Variants in ZNF519 observed in about 807,000 individuals in gnomAD.
ZNF519 encodes the protein zinc finger protein 519, also known as similar to Zinc finger protein 85 (Zinc finger protein HPF4) (HTF1).
A neutral mutation model predicts 7.4 loss-of-function variants in ZNF519; 7 were observed. The ratio of observed to expected loss-of-function variants is 0.94; its 90% CI spans 0.54 to 1.77. The LOEUF is 1.77. Among genes scored for constraint, ZNF519 ranks in the 40% most tolerant of loss-of-function variants. The pLI is 0.00. For synonymous variants in ZNF519, 179 were observed against 203.3 expected (o/e 0.88, Z 1.02); for missense variants, 586 against 623.1 (o/e 0.94, Z 0.63).
intron 2 of ZNF519, chr18:14,123,268 A>G (rs2046279033): frequency 6.2e-6 from 1 of 161,644 alleles, no homozygotes; most frequent in Non-Finnish European, 1.4e-5. Flanking sequence ...GGATTCTCCA[A>G]TTACCAACCT....
intron 1 of ZNF519, among the ~76,000 whole-genome samples, chr18:14,127,554 G>T (rs1001882308): frequency 2.0e-5 from 3 of 152,172 alleles, no homozygotes; most frequent in African/African-American, 2.4e-5. Flanking sequence ...TGCACATTTA[G>T]GTCTTGAAGG....
At chr18:14,083,816 C>A (rs1351809453) in intron 3 of ZNF519, among the ~76,000 whole-genome samples, 1 of 152,150 alleles carries the variant, frequency 6.6e-6, no homozygotes, top group Non-Finnish European at 1.5e-5. Flanking sequence ...TAATCTTTGT[C>A]CAGGATTTTC....
chr18:14,088,720 G>T (rs1407547822), intron 2 of ZNF519, among the ~76,000 whole-genome samples: 1 of 152,118 alleles, frequency 6.6e-6, no homozygotes, highest in East Asian at 1.9e-4. Flanking sequence ...TTATATCCAA[G>T]GAATTGAAAC....
chr18:14,093,834 G>A (rs1415511563), intron 2 of ZNF519, among the ~76,000 whole-genome samples: 1 of 152,194 alleles, frequency 6.6e-6, no homozygotes, highest in East Asian at 1.9e-4. Context: ...CTGAGACTTG[G>A]CTACCTGTTA....
At chr18:14,109,393 C>T (rs1033083095) in intron 2 of ZNF519, among the ~76,000 whole-genome samples, 11 of 152,064 alleles carry the variant, frequency 7.2e-5, no homozygotes, top group South Asian at 2.1e-4. Context: ...AACATTTTAT[C>T]GAATGGCTTC....
rs550453845 is a variant in ZNF519, at chr18:14,118,664, G to A, written c.130+5686C>T. ...ACATGGCTACAGACAAGGAAATGGC[G>A]CACCGAACTTGGTCTTACTGAGGAT... is the stretch of plus-strand genomic sequence containing the variant. On this transcript the variant is annotated intron_variant, in intron 2 of 2. Coordinates refer to ENST00000590202, the MANE Select transcript of ZNF519 (RefSeq NM_145287.4). Among the ~76,000 whole-genome samples, 20 of 152,234 alleles carry A rather than the reference G, an allele frequency of 1.3e-4. No individual in the cohort carries two copies. The South Asian group carries it at 1.5e-3, about 11-fold the overall frequency.
chr18:14,092,047 G>C (rs1391736840), intron 2 of ZNF519, among the ~76,000 whole-genome samples: 2 of 152,182 alleles, frequency 1.3e-5, no homozygotes, highest in Non-Finnish European at 2.9e-5. Context: ...GCTGCTGTGT[G>C]TGGAAACTGG....
At chr18:14,116,784 A>T (rs1443299861) in intron 2 of ZNF519, among the ~76,000 whole-genome samples, 4 of 152,196 alleles carry the variant, frequency 2.6e-5, no homozygotes, top group Admixed American at 2.6e-4. Flanking sequence ...AGGCAGGCAG[A>T]TTACTTGAGG....
At chr18:14,082,656 A>G (rs942900517) in intron 3 of ZNF519, 4 of 151,970 alleles carry the variant, frequency 2.6e-5, no homozygotes, top group Non-Finnish European at 5.9e-5. Context: ...AAAAATTGAT[A>G]GTACCAGAAT....
At chr18:14,126,431 T>C (rs2046299874) in intron 1 of ZNF519, among the ~76,000 whole-genome samples, 1 of 152,156 alleles carries the variant, frequency 6.6e-6, no homozygotes, top group Non-Finnish European at 1.5e-5. Flanking sequence ...AATAATAACT[T>C]CTCTTCTGTC....
chr18:14,122,549 C>T (rs1051495803), intron 2 of ZNF519: 2 of 151,878 alleles, frequency 1.3e-5, no homozygotes, highest in African/African-American at 4.8e-5. Flanking sequence ...TCATGCAGCC[C>T]TTTATAAGTG....
At chr18:14,085,939 A>G (rs746900450) in intron 2 of ZNF519, among the ~76,000 whole-genome samples, 5 of 152,198 alleles carry the variant, frequency 3.3e-5, no homozygotes, top group Admixed American at 6.5e-5. Context: ...CCTCAGCAGT[A>G]GTCAGGGCGT....
At chr18:14,096,160 T>A (rs1030016573), downstream of ZNF519, among the ~76,000 whole-genome samples, 5 of 152,210 alleles carry the variant, frequency 3.3e-5, no homozygotes, top group African/African-American at 1.2e-4. Context: ...GGGCTCTAAG[T>A]CAAAGTCCTT....
intron 2 of ZNF519, among the ~76,000 whole-genome samples, chr18:14,092,826 A>T (rs1412014310): frequency 6.6e-6 from 1 of 152,148 alleles, no homozygotes; most frequent in Non-Finnish European, 1.5e-5. Context: ...AAATTTACAG[A>T]CTCAGCAGAA....
chr18:14,085,283 T>C (rs2046085877), intron 2 of ZNF519, among the ~76,000 whole-genome samples: 1 of 152,164 alleles, frequency 6.6e-6, no homozygotes, highest in African/African-American at 2.4e-5. Context: ...ATGCTAATTG[T>C]TCCCTTGCCC....
chr18:14,091,435 G>A (rs1437733038), intron 2 of ZNF519, among the ~76,000 whole-genome samples: 1 of 152,062 alleles, frequency 6.6e-6, no homozygotes, highest in East Asian at 1.9e-4. Context: ...AGTCACCAAG[G>A]ATACACCATT....
intron 2 of ZNF519, among the ~76,000 whole-genome samples, chr18:14,093,594 G>A (rs2046122815): frequency 1.3e-5 from 2 of 152,144 alleles, no homozygotes; most frequent in Non-Finnish European, 2.9e-5. Context: ...ATTGAGCAAA[G>A]AACAATTCAC....
intron 2 of ZNF519, among the ~76,000 whole-genome samples, chr18:14,113,774 T>A (rs969995647): frequency 6.6e-6 from 1 of 151,700 alleles, no homozygotes; most frequent in African/African-American, 2.4e-5. Flanking sequence ...AGTACTAGAG[T>A]TCCCTTTTCT....
chr18:14,089,997 G>A (rs1034904901), intron 2 of ZNF519: 6 of 152,298 alleles, frequency 3.9e-5, no homozygotes, highest in African/African-American at 1.2e-4. Context: ...TAGAGCTGAG[G>A]CCTGGGCTGA....
Sources: gnomAD v4.1 joint callset for allele counts (sites outside exome capture counted in the v4.1 genomes callset) on GRCh38, gnomAD v4.1.1 for gene constraint, MANE v1.5 for transcripts, NCBI Gene and HGNC (gene_info 2026-07-23, HGNC 2026-07-21) for gene names.